Variants in SKI observed in about 807,000 individuals in gnomAD.
SKI encodes the protein SKI proto-oncogene, also known as ski oncogene.
In SKI, 23 loss-of-function variants were observed where a neutral mutation model predicts 59.3. The observed-to-expected ratio is 0.39, with a 90% CI of 0.28 to 0.55. SKI has a LOEUF of 0.55. Ranked by LOEUF, SKI falls within the 20% of genes least tolerant of loss-of-function variation. The pLI, the probability that SKI is intolerant of heterozygous loss-of-function variation, is 0.67. For missense variants in SKI, 1,017 were observed against 1,038.9 expected (o/e 0.98, Z 0.29); for synonymous variants, 673 against 488.6 (o/e 1.38, Z -4.98).
chr1:2,286,956 A>G (rs1008685029), intron 1 of SKI, among the ~76,000 whole-genome samples: 10 of 152,244 alleles, frequency 6.6e-5, no homozygotes, highest in Non-Finnish European at 1.2e-4. Context: ...CAGAATGCCA[A>G]TGATGGGGAC....
Position 2,307,553 on chromosome 1 carries a change from G to C in SKI, c.*788G>C, listed in dbSNP as rs1352519841. The C allele has an allele frequency of 1.3e-5, 2 of 152,424 alleles. No homozygotes were observed. The highest frequency in any genetic ancestry group is 2.9e-5 in the Non-Finnish European group (2 of 68,050). The allele number at this position is 152,424 out of a possible 1,614,324, so 9.4% of individuals were successfully genotyped here. A position where few individuals can be genotyped will look rare whatever the true frequency, so the allele number is the denominator to read the frequency against. Reference sequence around the variant, plus strand: ...TGACCTGCGTCGGGTGGTGACCGTGGCTGGCGGTCACGCCCTCAGCCCCTC... The same window carrying C: ...TGACCTGCGTCGGGTGGTGACCGTGCCTGGCGGTCACGCCCTCAGCCCCTC... On this transcript the variant is annotated 3_prime_UTR_variant, in exon 7 of 7. Transcript: ENST00000378536.
In SKI at chr1:2,306,095, G is replaced by A. The variant is rs1456439262; in HGVS notation, c.1843G>A (p.Glu615Lys). The A allele has an allele frequency of 6.2e-7, 1 of 1,601,676 alleles. No homozygotes were observed. The highest frequency in any genetic ancestry group is 8.5e-7 in the Non-Finnish European group (1 of 1,175,576). Residue 615 changes from glutamate to lysine, a missense_variant, in exon 6 of 7, where the codon GAG becomes AAG. Coordinates refer to ENST00000378536, the MANE Select transcript of SKI (RefSeq NM_003036.4). ...GGAGGCCAAGCGTAACCTGCGGAAG[G>A]AGATCGAGCGTCTCCGCGCCGAGAA... is the stretch of plus-strand genomic sequence containing the variant. ...ATEAKRNLRK[E>K]IERLRAENEK...
chr1:2,300,120 G>A (rs961345188), intron 1 of SKI, among the ~76,000 whole-genome samples: 5 of 152,246 alleles, frequency 3.3e-5, no homozygotes, highest in Non-Finnish European at 7.3e-5. Context: ...TTGGGTGCAA[G>A]CTCACACGCG....
intron 1 of SKI, among the ~76,000 whole-genome samples, chr1:2,287,490 C>A (rs921247518): frequency 2.6e-5 from 4 of 151,974 alleles, no homozygotes; most frequent in Admixed American, 2.6e-4. Flanking sequence ...GTGCCCGCCA[C>A]CACGCCCAGC....
At chr1:2,242,351 G>T (rs975595546) in intron 1 of SKI, among the ~76,000 whole-genome samples, 1 of 152,138 alleles carries the variant, frequency 6.6e-6, no homozygotes, top group African/African-American at 2.4e-5. Context: ...TGGGGGAGAA[G>T]TACAGTGTCC....
At chr1:2,273,007 AAC>A (rs1188243015) in intron 1 of SKI, among the ~76,000 whole-genome samples, 5 of 152,222 alleles carry the variant, frequency 3.3e-5, no homozygotes, top group Non-Finnish European at 5.9e-5. Context: ...AGCCCCTGGA[AAC>A]ACAGGCTGTA....
At chr1:2,285,352 A>T (rs1640014323) in intron 1 of SKI, among the ~76,000 whole-genome samples, 1 of 151,902 alleles carries the variant, frequency 6.6e-6, no homozygotes, top group Non-Finnish European at 1.5e-5. Flanking sequence ...ATCTCTACTG[A>T]AAATACAAAA....
At chr1:2,250,819 C>T (rs539555665) in intron 1 of SKI, among the ~76,000 whole-genome samples, 1 of 152,372 alleles carries the variant, frequency 6.6e-6, no homozygotes, top group South Asian at 2.1e-4. Flanking sequence ...CTTGGGCCTG[C>T]CTCGTTGCCC....
chr1:2,235,991 C>T (rs767471198), intron 1 of SKI, among the ~76,000 whole-genome samples: 10 of 152,230 alleles, frequency 6.6e-5, no homozygotes, highest in Admixed American at 3.9e-4. Flanking sequence ...TCCTGGGAAA[C>T]GGCCGAGATT....
rs1640487168 is a variant in SKI at position 2,303,748 on chromosome 1, G to GTT, written c.1212-90_1212-89dup. 1 of 1,515,462 alleles carries GTT rather than the reference G, an allele frequency of 6.6e-7. No homozygotes were observed. Among genetic ancestry groups the GTT allele is most frequent in the African/African-American group, 1.4e-5 (1 of 73,082 alleles). The allele number at this position is 1,515,462 out of a possible 1,614,324, so 93.9% of individuals were successfully genotyped here. On this transcript the variant is annotated intron_variant, in intron 3 of 6. Coordinates refer to ENST00000378536, the MANE Select transcript of SKI (RefSeq NM_003036.4). This position sits in a 1 kb window ranked among gnomAD's most constrained non-coding sequence, Gnocchi z 5.6. ...ATTCGGAGCTGGGAAAGTCTTTCCTGTTTAACACCTTCAGAGGGGGTGTGC... is the reference window on the plus strand; with the variant it reads ...ATTCGGAGCTGGGAAAGTCTTTCCTGTTTTTAACACCTTCAGAGGGGGTGTGC...
intron 1 of SKI, among the ~76,000 whole-genome samples, chr1:2,282,441 C>T (rs371953653): frequency 1.9e-3 from 150 of 77,556 alleles, no homozygotes; most frequent in Middle Eastern, 0.018. Context: ...CAGGCGGTGG[C>T]GGAGATCTTC....
chr1:2,235,480 C>G (rs1021451097), intron 1 of SKI, among the ~76,000 whole-genome samples: 3 of 152,238 alleles, frequency 2.0e-5, no homozygotes, highest in African/African-American at 4.8e-5. Flanking sequence ...CCTCAGGAAG[C>G]TCTGGCTCAC....
chr1:2,280,402 C>A (rs1443016246), intron 1 of SKI, among the ~76,000 whole-genome samples: 1 of 151,852 alleles, frequency 6.6e-6, no homozygotes, highest in African/African-American at 2.4e-5. Context: ...TGACCACAGC[C>A]CCTTCTCACA....
chr1:2,293,941 AT>A (rs1468903098), intron 1 of SKI, among the ~76,000 whole-genome samples: 4 of 152,194 alleles, frequency 2.6e-5, no homozygotes, highest in African/African-American at 9.6e-5. Context: ...AGGCAGCAGG[AT>A]GGTCATGTGA....
At chr1:2,266,940 T>C (rs1186397382) in intron 1 of SKI, among the ~76,000 whole-genome samples, 1 of 152,152 alleles carries the variant, frequency 6.6e-6, no homozygotes, top group Non-Finnish European at 1.5e-5. Flanking sequence ...TGGCCTCTGC[T>C]TCAGGGAGGA....
intron 1 of SKI, among the ~76,000 whole-genome samples, chr1:2,284,588 G>A (rs1639991603): frequency 2.6e-5 from 4 of 152,202 alleles, no homozygotes; most frequent in Admixed American, 2.6e-4. Flanking sequence ...TGTGGGGGTG[G>A]TAGAATTCAA....
At chr1:2,286,356 G>A (rs1389958793) in intron 1 of SKI, among the ~76,000 whole-genome samples, 2 of 152,116 alleles carry the variant, frequency 1.3e-5, no homozygotes, top group African/African-American at 4.8e-5. Context: ...TTAGCTGGGT[G>A]TGGTAGTGTG....
In SKI at chr1:2,245,788, CTTTTTTTTTTTTTT is replaced by C. The variant is rs766445644; in HGVS notation, c.969+16066_969+16079del. ...ACTGCACCTGGCCCTATTTTTCCTT[CTTTTTTTTTTTTTT>C]TTTTTTTTTTTTGAGGCAGGGTCTC... On this transcript the variant is annotated intron_variant, in intron 1 of 6. Transcript: ENST00000378536. 8.5e-5 allele frequency among the ~76,000 whole-genome samples: 6 copies of C among 70,378 alleles called. No homozygotes were observed. In the Admixed American group the frequency reaches 1.3e-3, roughly 16 times the overall value. The allele number at this position is 70,378 out of a possible 152,430, so 46.2% of individuals were successfully genotyped here.
intron 1 of SKI, among the ~76,000 whole-genome samples, chr1:2,294,380 C>G (rs1030482614): frequency 6.6e-6 from 1 of 152,252 alleles, no homozygotes; most frequent in Non-Finnish European, 1.5e-5. Context: ...TGTGGCTGCT[C>G]TCCTCAACAA....
Sources: allele counts gnomAD v4.1 joint callset (sites outside exome capture counted in the v4.1 genomes callset), GRCh38; gene constraint gnomAD v4.1.1; non-coding constraint Gnocchi (gnomAD v3.1); transcripts MANE v1.5; gene names NCBI Gene and HGNC (gene_info 2026-07-23, HGNC 2026-07-21).